The following DNAH5 variants were observed in gnomAD, a reference collection of about 807,000 sequenced individuals.
The protein encoded by DNAH5 is dynein axonemal heavy chain 5.
In DNAH5, 372 loss-of-function variants were observed where a neutral mutation model predicts 518.2. The ratio of observed to expected loss-of-function variants is 0.72; its 90% confidence interval spans 0.66 to 0.78. The LOEUF (loss-of-function observed/expected upper bound fraction) is 0.78. DNAH5 is among the 30% of genes least tolerant of loss of function. The pLI is 0.00. For missense variants in DNAH5, 5,523 were observed against 5,687.0 expected (o/e 0.97, Z 0.93); for synonymous variants, 2,039 against 2,025.9 (o/e 1.01, Z -0.17).
intron 35 of DNAH5, 116 bp from the exon 36 acceptor site, chr5:13,830,891 C>T (rs1763587571): frequency 3.1e-6 from 3 of 955,090 alleles, no homozygotes; most frequent in Non-Finnish European, 4.9e-6. Flanking sequence ...ATTGTCCCTA[C>T]CTAACATTTC....
At chr5:13,998,420 G>C (rs1336738937) in intron 1 of DNAH5, among the ~76,000 whole-genome samples, 1 of 152,172 alleles carries the variant, frequency 6.6e-6, no homozygotes, top group Non-Finnish European at 1.5e-5. Context: ...ATTTGGGAGG[G>C]ACACAGACAT....
intron 65 of DNAH5, among the ~76,000 whole-genome samples, chr5:13,746,274 G>C (rs762275427): frequency 3.3e-5 from 5 of 152,094 alleles, no homozygotes; most frequent in African/African-American, 4.8e-5. Context: ...TTCCTGGGAG[G>C]AGACCTGTGC....
chr5:13,768,949 C>T lies in DNAH5; in HGVS notation c.9897+11G>A. 6.2e-7 allele frequency: 1 copy of T among 1,614,110 alleles called. No individual in the cohort carries two copies. The highest frequency in any genetic ancestry group is 8.5e-7 in the Non-Finnish European group (1 of 1,179,958). On this transcript the variant is annotated intron_variant, in intron 58 of 78. Transcript: ENST00000265104. ...CCTAAAGCTGACATCTGTTATATCA[C>T]ATAGATGCACCTGCAATGCAGCTTC... is the stretch of plus-strand genomic sequence containing the variant.
chr5:13,780,046 C>T (rs933132862), intron 53 of DNAH5, among the ~76,000 whole-genome samples: 2 of 152,166 alleles, frequency 1.3e-5, no homozygotes, highest in Admixed American at 6.5e-5. Context: ...CTCTTCCATT[C>T]CCACTTGTCA....
intron 1 of DNAH5, among the ~76,000 whole-genome samples, chr5:13,970,608 A>T (rs1001470063): frequency 1.3e-5 from 2 of 152,222 alleles, no homozygotes; most frequent in Non-Finnish European, 2.9e-5. Flanking sequence ...GAGGCTAACA[A>T]CAGGATCCAA....
intron 77 of DNAH5, 60 bp from the exon 78 acceptor site, chr5:13,700,931 A>C: frequency 5.9e-6 from 9 of 1,520,510 alleles, no homozygotes; most frequent in Non-Finnish European, 7.3e-6. Flanking sequence ...TAGAAAGAGC[A>C]TAACAATAAT....
intron 1 of DNAH5, among the ~76,000 whole-genome samples, chr5:13,977,079 G>A (rs1263573776): frequency 6.6e-6 from 1 of 152,198 alleles, no homozygotes; most frequent in Non-Finnish European, 1.5e-5. Flanking sequence ...TGTTGCTAAG[G>A]AGGGACGCAG....
intron 68 of DNAH5, 99 bp downstream of exon 68, chr5:13,735,032 G>A (rs1037571056): frequency 2.9e-6 from 3 of 1,042,528 alleles, no homozygotes; most frequent in Non-Finnish European, 4.4e-6. Context: ...CTTACATAAT[G>A]CAAGGCAATT....
chr5:13,922,215 G>C lies in DNAH5; in HGVS notation c.552C>G (p.Gly184=), dbSNP rs755707971. 1.2e-6 allele frequency: 2 copies of C among 1,613,856 alleles called. No individual in the cohort carries two copies. The highest frequency in any genetic ancestry group is 1.7e-6 in the Non-Finnish European group (2 of 1,179,954). The change falls in exon 5 of 79, where the codon GGC becomes GGG. Residue 184 remains glycine (G), a synonymous_variant. Coordinates refer to ENST00000265104, the MANE Select transcript of DNAH5 (RefSeq NM_001369.3). The part of the protein sequence containing the change: ...PALRATSHGW[G]ELEGLQDAAN... The stretch of plus-strand genomic sequence containing the variant: ...CTGCGTCCTGAAGGCCCTCGAGCTC[G>C]CCCCAGCCATGGCTCGTGGCTCTGA...
At chr5:13,960,186 T>TA (rs1417522738) in intron 1 of DNAH5, among the ~76,000 whole-genome samples, 4 of 151,882 alleles carry the variant, frequency 2.6e-5, no homozygotes, top group African/African-American at 7.3e-5. Flanking sequence ...CCAGGAGATT[T>TA]AAAAAAAATT....
At chr5:13,814,244 A>C (rs17265607) in intron 43 of DNAH5, among the ~76,000 whole-genome samples, 10,312 of 152,240 alleles carry the variant, frequency 0.068, 463 homozygotes, top group East Asian at 0.16. Flanking sequence ...TGGTCCTCCT[A>C]AACTTTATGT....
chr5:13,698,964 C>G (rs985407484), intron 78 of DNAH5, among the ~76,000 whole-genome samples: 1 of 152,164 alleles, frequency 6.6e-6, no homozygotes, highest in East Asian at 1.9e-4. Context: ...GTAACAAGGC[C>G]CAACTATATT....
chr5:13,744,300 A>T (rs866580830), intron 65 of DNAH5, among the ~76,000 whole-genome samples: 3 of 151,994 alleles, frequency 2.0e-5, no homozygotes, highest in Non-Finnish European at 2.9e-5. Flanking sequence ...ATCTCATAGA[A>T]GTGAAAAGTA....
At chr5:13,933,155 C>T (rs1421927490) in intron 1 of DNAH5, among the ~76,000 whole-genome samples, 1 of 152,098 alleles carries the variant, frequency 6.6e-6, no homozygotes, top group Non-Finnish European at 1.5e-5. Context: ...ATGATACAGA[C>T]ATATATATAG....
At chr5:13,925,264 A>C (rs983287797) in intron 3 of DNAH5, among the ~76,000 whole-genome samples, 2 of 152,176 alleles carry the variant, frequency 1.3e-5, no homozygotes, top group Non-Finnish European at 2.9e-5. Context: ...GACATCAGAA[A>C]ACAGAATTTC....
chr5:13,942,156 A>G (rs981957538), intron 1 of DNAH5, among the ~76,000 whole-genome samples: 5 of 152,184 alleles, frequency 3.3e-5, no homozygotes, highest in Admixed American at 1.3e-4. Flanking sequence ...TTTAAATGAA[A>G]ATAACGTGTG....
At chr5:13,697,808 C>T (rs1430263199) in intron 78 of DNAH5, among the ~76,000 whole-genome samples, 2 of 152,164 alleles carry the variant, frequency 1.3e-5, no homozygotes, top group Non-Finnish European at 2.9e-5. Flanking sequence ...GCCTCTGTTC[C>T]AGGATATTAG....
chr5:13,923,231 T>TTGTGTG, intron 4 of DNAH5, 49 bp downstream of exon 4: 1 of 1,605,214 alleles, frequency 6.2e-7, no homozygotes, highest in Non-Finnish European at 8.5e-7. Flanking sequence ...TGTGTGCAAG[T>TTGTGTG]TGTGTGTTTT....
chr5:14,005,535 G>A (rs1784664037), intron 1 of DNAH5, among the ~76,000 whole-genome samples: 1 of 152,176 alleles, frequency 6.6e-6, no homozygotes, highest in Non-Finnish European at 1.5e-5. Context: ...GCTCCTTGAG[G>A]GGTTAACAGA....
Sources: allele counts gnomAD v4.1 joint callset (sites outside exome capture counted in the v4.1 genomes callset), GRCh38; gene constraint gnomAD v4.1.1; transcripts MANE v1.5; gene names NCBI Gene and HGNC (gene_info 2026-07-23, HGNC 2026-07-21).